The following GTF3C5 variants were observed in gnomAD, a reference collection of about 807,000 sequenced individuals.
GTF3C5 encodes the protein general transcription factor 3C polypeptide 5.
In GTF3C5, 47 loss-of-function variants were observed where a neutral mutation model predicts 61.0. That is an observed-to-expected ratio of 0.77 (90% CI 0.61 to 0.98). The LOEUF (loss-of-function observed/expected upper bound fraction) is 0.98. GTF3C5 is among the 50% of genes least tolerant of loss of function. The probability of loss-of-function intolerance (pLI) is 0.00; values close to 1 mark genes in which losing one functional copy is unlikely to be tolerated. For synonymous variants in GTF3C5, 295 were observed against 275.4 expected (o/e 1.07, Z -0.71); for missense variants, 659 against 703.3 (o/e 0.94, Z 0.71).
At position 133,057,895 on chromosome 9, in the gene GTF3C5, A is replaced by T. The variant is rs1465274311; in HGVS notation, c.1475A>T (p.Glu492Val). ...TCTGGGGAAGACGAGGAGGATGAGG[A>T]GGAGGAGGAAGAGGAGGAGGAGGAC... ...YESGEDEEDE[E>V]EEEEEEEDFK... Residue 492 changes from glutamate to valine, a missense_variant, in exon 11 of 11, where the codon GAG becomes GTG. Physicochemically the swap from Glu to Val is moderately radical, Grantham distance 121 (BLOSUM62 -2). Coordinates refer to ENST00000372097, the MANE Select transcript of GTF3C5 (RefSeq NM_012087.4). 1.2e-6 allele frequency: 2 copies of T among 1,613,512 alleles called. No individual in the cohort carries two copies. The highest frequency in any genetic ancestry group is 8.5e-7 in the Non-Finnish European group (1 of 1,179,724).
Position 133,044,166 on chromosome 9 carries a change from A to AAAAG in GTF3C5, c.572+244_572+247dup, listed in dbSNP as rs1564198686. On this transcript the variant is annotated intron_variant, in intron 3 of 10. Transcript: ENST00000372097. ...TCTCCCAAAAAAAAAAAAAAAAAAA[A>AAAAG]AAAGAAAATGGGATGACAGTAGTAC... 1.9e-4 allele frequency: 100 copies of AAAAG among 523,948 alleles called. 1 individual carries two copies. The highest frequency in any genetic ancestry group is 1.6e-3 in the African/African-American group (79 of 49,360). 32.5% of individuals were successfully genotyped at this position (523,948 alleles called of 1,614,324 possible). A position where few individuals can be genotyped will look rare whatever the true frequency, so the allele number is the denominator to read the frequency against.
At position 133,053,954 on chromosome 9, in the gene GTF3C5, TG is replaced by T; in HGVS notation, c.988+13del. 1 of 1,492,890 alleles carries T rather than the reference TG, an allele frequency of 6.7e-7. No homozygotes were observed. The highest frequency in any genetic ancestry group is 9.3e-7 in the Non-Finnish European group (1 of 1,071,590). 92.5% of individuals were successfully genotyped at this position (1,492,890 alleles called of 1,614,324 possible). A position where few individuals can be genotyped will look rare whatever the true frequency, so the allele number is the denominator to read the frequency against. On this transcript the variant is annotated intron_variant, in intron 6 of 10. Coordinates refer to ENST00000372097, the MANE Select transcript of GTF3C5 (RefSeq NM_012087.4). ...TGGAATGAAACACGGTAAAAATTCC[TG>T]AAAGCTTTGCTTCCTGCCTTTCTCT...
At position 133,054,790 on chromosome 9, in the gene GTF3C5, C is replaced by A. The variant is rs143830183; in HGVS notation, c.1148C>A (p.Ser383Tyr). The A allele has an allele frequency of 6.3e-7, 1 of 1,578,534 alleles. No homozygotes were observed. Residue 383 changes from serine (S) to tyrosine (Y), a missense_variant, in exon 8 of 11, where the codon TCC becomes TAC. Physicochemically the swap from Ser to Tyr is moderately radical, Grantham distance 144. Transcript: ENST00000372097. ...ACGAGTGGTGCTCGGAAACCAGCTT[C>A]CAGCAAGTACAAGCTCAAGGTGGGC... Reference protein sequence around the residue: ...SGTSGARKPASSKYKLKDSVY... With the variant: ...SGTSGARKPAYSKYKLKDSVY...
At chr9:133,048,748 C>A (rs78766860) in intron 3 of GTF3C5, among the ~76,000 whole-genome samples, 3,380 of 152,334 alleles carry the variant, frequency 0.022, 126 homozygotes, top group African/African-American at 0.075. Context: ...CTGCTCTGCC[C>A]TGTGGGCCAG....
At chr9:133,033,208 C>G (rs1476883873) in intron 1 of GTF3C5, among the ~76,000 whole-genome samples, 1 of 152,134 alleles carries the variant, frequency 6.6e-6, no homozygotes, top group African/African-American at 2.4e-5. Context: ...AGGTACCCCT[C>G]GGGGAACTCC....
chr9:133,044,203 C>T (rs370513537), intron 3 of GTF3C5: 11 of 451,874 alleles, frequency 2.4e-5, no homozygotes, highest in East Asian at 8.3e-5. Flanking sequence ...ACCCAACAGA[C>T]GTATTGGGAT....
chr9:133,040,381 A>G (rs781763506), intron 1 of GTF3C5, among the ~76,000 whole-genome samples: 4 of 152,182 alleles, frequency 2.6e-5, no homozygotes, highest in Non-Finnish European at 5.9e-5. Flanking sequence ...GTGCTTTCAT[A>G]TGCACACATC....
intron 4 of GTF3C5, 183 bp from the exon 5 acceptor site, chr9:133,051,877 C>G (rs1850391148): frequency 2.2e-6 from 1 of 462,048 alleles, no homozygotes; most frequent in Non-Finnish European, 3.8e-6. Context: ...GCCCAGGCTT[C>G]TGAGGGAAGG....
At position 133,043,987 on chromosome 9, in the gene GTF3C5, G is replaced by A. The variant is rs570889771; in HGVS notation, c.572+61G>A. ...CCTGAAAATGGGATGGTCCGGGCACGGAGGCTCACACACTGGGCGTGGTGG... is the reference window on the plus strand; with the variant it reads ...CCTGAAAATGGGATGGTCCGGGCACAGAGGCTCACACACTGGGCGTGGTGG... On this transcript the variant is annotated intron_variant, in intron 3 of 10. Coordinates refer to ENST00000372097, the MANE Select transcript of GTF3C5 (RefSeq NM_012087.4). 2.7e-4 allele frequency: 345 copies of A among 1,272,126 alleles called. 1 individual carries two copies. The highest frequency in any genetic ancestry group is 1.7e-3 in the Middle Eastern group (7 of 4,230). 78.8% of individuals were successfully genotyped at this position (1,272,126 alleles called of 1,614,324 possible).
intron 2 of GTF3C5, among the ~76,000 whole-genome samples, chr9:133,043,143 G>A (rs1287854526): frequency 6.6e-6 from 1 of 152,202 alleles, no homozygotes; most frequent in Non-Finnish European, 1.5e-5. Flanking sequence ...GGAGAAGCAG[G>A]ACCTGGGGTC....
At chr9:133,050,655 G>A in intron 3 of GTF3C5, 128 bp from the exon 4 acceptor site, 1 of 656,320 alleles carries the variant, frequency 1.5e-6, no homozygotes, top group Non-Finnish European at 2.7e-6. Flanking sequence ...TCCCAGCACA[G>A]ATGTCCAGAG....
rs756096172 is a variant in GTF3C5, at chr9:133,057,932, C to G, written c.1512C>G (p.Ser504=). The G allele has an allele frequency of 1.3e-5, 21 of 1,613,806 alleles. No individual in the cohort carries two copies. Among genetic ancestry groups the G allele is most frequent in the Non-Finnish European group, 1.7e-5 (20 of 1,180,008 alleles). The change falls in exon 11 of 11, where the codon TCC becomes TCG. Residue 504 remains serine (S), a synonymous_variant. Coordinates refer to ENST00000372097, the MANE Select transcript of GTF3C5 (RefSeq NM_012087.4). The stretch of plus-strand genomic sequence containing the variant: ...AGGAGGAGGAGGACTTCAAGCCATC[C>G]GACGGCAGTGAAAACGAAATGGAGA... ...EEEEEEDFKP[S]DGSENEMETE...
At chr9:133,057,133 C>T (rs1050533300) in intron 10 of GTF3C5, among the ~76,000 whole-genome samples, 6 of 152,230 alleles carry the variant, frequency 3.9e-5, no homozygotes, top group East Asian at 1.9e-4. Context: ...CCCTGCGGTC[C>T]GGGGCAGGAG....
At chr9:133,055,933 A>C in intron 8 of GTF3C5, 79 bp from the exon 9 acceptor site, 1 of 1,593,148 alleles carries the variant, frequency 6.3e-7, no homozygotes, top group South Asian at 1.1e-5. Flanking sequence ...ACCCCATGGG[A>C]GCCTACATGG....
chr9:133,052,602 CA>C (rs1302662436), intron 5 of GTF3C5, among the ~76,000 whole-genome samples: 7 of 152,020 alleles, frequency 4.6e-5, no homozygotes, highest in African/African-American at 1.5e-4. Flanking sequence ...CTTTGATCCA[CA>C]AGCATGTAAA....
At chr9:133,031,227 C>G in intron 1 of GTF3C5, 63 bp downstream of exon 1, 2 of 1,415,696 alleles carry the variant, frequency 1.4e-6, no homozygotes, top group South Asian at 1.3e-5. Flanking sequence ...AACGAGCACT[C>G]AAAGGATTTC....
In GTF3C5 at chr9:133,056,026, C is replaced by T. The variant is rs776731746; in HGVS notation, c.1182C>T (p.Ile394=). The change falls in exon 9 of 11, where the codon ATC becomes ATT. Residue 394 remains isoleucine (I), a synonymous_variant. Transcript: ENST00000372097. ...SKYKLKDSVY[I]FREGALPPYR... ...TTTGTCACCAGGACTCTGTCTACAT[C>T]TTCCGGGAAGGGGCCTTGCCACCCT... 3 of 1,614,030 alleles carry T rather than the reference C, an allele frequency of 1.9e-6. No homozygotes were observed. The highest frequency in any genetic ancestry group is 1.7e-5 in the Admixed American group (1 of 60,004).
At chr9:133,051,013 C>T (rs1250241619) in intron 4 of GTF3C5, 35 bp downstream of exon 4, 1 of 1,505,784 alleles carries the variant, frequency 6.6e-7, no homozygotes, top group Admixed American at 2.2e-5. Context: ...CCGGTGGCTC[C>T]AGCCTCTCTG....
At chr9:133,030,714 T>TTATC (rs1448838583), upstream of GTF3C5, 43 of 522,186 alleles carry the variant, frequency 8.2e-5, no homozygotes, top group Non-Finnish European at 1.0e-5. Context: ...TTGTGTCTTA[T>TTATC]TATCCTCCGG....
Sources: gnomAD v4.1 joint callset for allele counts (sites outside exome capture counted in the v4.1 genomes callset) on GRCh38, gnomAD v4.1.1 for gene constraint, MANE v1.5 for transcripts, NCBI Gene and HGNC (gene_info 2026-07-23, HGNC 2026-07-21) for gene names.